The following KIF16B variants were observed in gnomAD, a reference collection of about 807,000 sequenced individuals.
The protein encoded by KIF16B is kinesin family member 16B, also known as kinesin-like protein KIF16B.
Under a neutral mutation model 156.3 loss-of-function variants are expected in KIF16B, and 98 were observed. That is an observed-to-expected ratio of 0.63 (90% confidence interval 0.53 to 0.74). The LOEUF (loss-of-function observed/expected upper bound fraction) is 0.74, where lower values mean the gene tolerates loss of function less well. Among genes scored for constraint, KIF16B ranks in the 30% least tolerant of loss-of-function variants. KIF16B has a pLI of 0.00. For synonymous variants in KIF16B, 564 were observed against 583.7 expected (o/e 0.97, Z 0.49); for missense variants, 1,421 against 1,606.5 (o/e 0.88, Z 1.97).
chr20:16,564,842 G>A (rs150024088), intron 1 of KIF16B, among the ~76,000 whole-genome samples: 2 of 151,860 alleles, frequency 1.3e-5, no homozygotes, highest in African/African-American at 4.8e-5. Context: ...CCATGGCACT[G>A]CCTCCCACCC....
Position 16,535,956 on chromosome 20 carries a change from C to T in KIF16B, c.48-7516G>A, listed in dbSNP as rs2069943344. On this transcript the variant is annotated intron_variant, in intron 1 of 25. Coordinates refer to ENST00000354981, the MANE Select transcript of KIF16B (RefSeq NM_024704.5). Reference sequence around the variant, plus strand: ...ATTTCTTTAAAAATTAAAAATAGAACCACCATACAATCCAGAAATCTGACT... The same window carrying T: ...ATTTCTTTAAAAATTAAAAATAGAATCACCATACAATCCAGAAATCTGACT... Among the ~76,000 whole-genome samples the T allele has an allele frequency of 2.6e-5, 4 of 152,224 alleles. No individual in the cohort carries two copies. In the South Asian group the frequency reaches 8.3e-4, roughly 32 times the overall value.
rs997025423 is a variant in KIF16B, at chr20:16,274,203, A to G, written c.3796-792T>C. On this transcript the variant is annotated intron_variant, in intron 25 of 25. Coordinates refer to ENST00000354981, the MANE Select transcript of KIF16B (RefSeq NM_024704.5). ...TCTTATAAAATAAAGGGAAAGCAAT[A>G]CTGAGGACAAGAGGGTCAGTTCCAA... Among the ~76,000 whole-genome samples, 6 of 152,306 alleles carry G rather than the reference A, an allele frequency of 3.9e-5. No homozygotes were observed. The South Asian group carries it at 1.2e-3, about 32-fold the overall frequency.
intron 23 of KIF16B, among the ~76,000 whole-genome samples, chr20:16,350,360 G>A (rs2064312366): frequency 6.6e-6 from 1 of 152,182 alleles, no homozygotes; most frequent in Admixed American, 6.5e-5. Flanking sequence ...AAGAGCAAGG[G>A]GCTGGAGGGT....
intron 25 of KIF16B, among the ~76,000 whole-genome samples, chr20:16,283,288 A>G (rs1289420133): frequency 1.3e-5 from 2 of 152,230 alleles, no homozygotes; most frequent in East Asian, 3.8e-4. Flanking sequence ...AGTGCTGGGC[A>G]GGCCACTGTC....
At chr20:16,323,000 A>G (rs1301585660) in intron 24 of KIF16B, among the ~76,000 whole-genome samples, 4 of 152,094 alleles carry the variant, frequency 2.6e-5, no homozygotes, top group African/African-American at 7.2e-5. Context: ...AGCCTTGCCT[A>G]TCTTTTATGA....
chr20:16,385,552 G>A (rs1217559232), intron 17 of KIF16B, among the ~76,000 whole-genome samples: 1 of 152,212 alleles, frequency 6.6e-6, no homozygotes. Flanking sequence ...GCTGAAGAAT[G>A]TAACAGGCCC....
chr20:16,418,039 C>T (rs745739282), intron 15 of KIF16B, among the ~76,000 whole-genome samples: 4 of 151,970 alleles, frequency 2.6e-5, no homozygotes, highest in African/African-American at 4.8e-5. Context: ...TTGAGAAGCT[C>T]GGCAAAACCC....
At chr20:16,371,803 C>T (rs759257065) in intron 20 of KIF16B, 42 bp from the exon 21 acceptor site, 15 of 1,326,850 alleles carry the variant, frequency 1.1e-5, no homozygotes, top group Non-Finnish European at 1.5e-5. Context: ...CACTTCTAAC[C>T]ACACAGGACA....
intron 9 of KIF16B, among the ~76,000 whole-genome samples, chr20:16,505,123 G>A (rs2068735781): frequency 6.6e-6 from 1 of 152,166 alleles, no homozygotes; most frequent in Non-Finnish European, 1.5e-5. Context: ...ATGAAGCATG[G>A]GAAGGGCATG....
intron 12 of KIF16B, among the ~76,000 whole-genome samples, chr20:16,457,180 C>T (rs181445977): frequency 6.6e-6 from 1 of 152,194 alleles, no homozygotes; most frequent in African/African-American, 2.4e-5. Flanking sequence ...TCATAGTTTA[C>T]TTTAGAGACA....
intron 1 of KIF16B, among the ~76,000 whole-genome samples, chr20:16,551,408 C>A (rs111601659): frequency 3.3e-5 from 5 of 152,354 alleles, no homozygotes; most frequent in African/African-American, 1.2e-4. Context: ...GGATTACAGG[C>A]ATGAGCCACT....
chr20:16,380,000 T>G lies in KIF16B; in HGVS notation c.2002A>C (p.Lys668Gln). The change falls in exon 19 of 26, where the codon AAG becomes CAG. Residue 668 changes from lysine to glutamine, a missense_variant. Physicochemically the swap from Lys to Gln is moderately conservative, Grantham distance 53 (BLOSUM62 1). Coordinates refer to ENST00000354981, the MANE Select transcript of KIF16B (RefSeq NM_024704.5). ...LKRRSFHIEN[K>Q]LKDLLAEKEK... ...TTCTCCGCAAGTAAATCCTTTAGCT[T>G]GTTCTCGATGTGGAAGCTGCGGCGT... 6.2e-7 allele frequency: 1 copy of G among 1,605,926 alleles called. No homozygotes were observed. The highest frequency in any genetic ancestry group is 8.5e-7 in the Non-Finnish European group (1 of 1,177,122).
At chr20:16,381,098 A>C (rs944474838) in intron 18 of KIF16B, among the ~76,000 whole-genome samples, 1 of 152,186 alleles carries the variant, frequency 6.6e-6, no homozygotes, top group African/African-American at 2.4e-5. Context: ...GGACAGGAAA[A>C]ACAGAAAAGG....
At chr20:16,320,220 T>C (rs182675915) in intron 24 of KIF16B, among the ~76,000 whole-genome samples, 1 of 152,300 alleles carries the variant, frequency 6.6e-6, no homozygotes, top group East Asian at 1.9e-4. Flanking sequence ...AAACCTAGCC[T>C]ATATCTTAGC....
intron 23 of KIF16B, among the ~76,000 whole-genome samples, chr20:16,343,768 C>T (rs1400827155): frequency 6.6e-6 from 1 of 152,134 alleles, no homozygotes; most frequent in Non-Finnish European, 1.5e-5. Context: ...AATTTATACT[C>T]TCCCAGCTGG....
At chr20:16,454,572 G>A (rs1361685912) in intron 12 of KIF16B, among the ~76,000 whole-genome samples, 1 of 151,840 alleles carries the variant, frequency 6.6e-6, no homozygotes, top group Non-Finnish European at 1.5e-5. Flanking sequence ...TTTGAAAGCT[G>A]TTTTGAAACA....
chr20:16,390,335 A>C (rs6105592), intron 17 of KIF16B, among the ~76,000 whole-genome samples: 12,869 of 152,162 alleles, frequency 0.085, 662 homozygotes, highest in African/African-American at 0.14. Flanking sequence ...TCCCCGGCCT[A>C]TTTCTCATAG....
In KIF16B at chr20:16,415,180, TA is replaced by T. The variant is rs554614155; in HGVS notation, c.1613-8725del. Among the ~76,000 whole-genome samples the T allele has an allele frequency of 3.3e-5, 5 of 152,256 alleles. No homozygotes were observed. In the South Asian group the frequency reaches 1.0e-3, roughly 32 times the overall value. On this transcript the variant is annotated intron_variant, in intron 15 of 25. Coordinates refer to ENST00000354981, the MANE Select transcript of KIF16B (RefSeq NM_024704.5). The stretch of plus-strand genomic sequence containing the variant: ...TTAGAGGGCAATTCAAGACAGTGTA[TA>T]GTCACATGATAAATTCCAAAGTACT...
intron 1 of KIF16B, among the ~76,000 whole-genome samples, chr20:16,540,152 C>CA (rs1290700736): frequency 2.0e-5 from 3 of 152,274 alleles, no homozygotes; most frequent in African/African-American, 7.2e-5. Flanking sequence ...AGCAGCAAAA[C>CA]AGTGTGCAGA....
Sources: allele counts gnomAD v4.1 joint callset (sites outside exome capture counted in the v4.1 genomes callset), GRCh38; gene constraint gnomAD v4.1.1; transcripts MANE v1.5; gene names NCBI Gene and HGNC (gene_info 2026-07-23, HGNC 2026-07-21).